Variants in TBX20 observed in about 807,000 individuals in gnomAD.
The protein encoded by TBX20 is T-box transcription factor 20, also known as T-box transcription factor TBX20.
TBX20 carries 8 observed loss-of-function variants against 42.9 expected under a neutral mutation model. The ratio of observed to expected loss-of-function variants is 0.19; its 90% CI spans 0.11 to 0.34. The LOEUF (loss-of-function observed/expected upper bound fraction) is 0.34, where lower values mean the gene tolerates loss of function less well. TBX20 is among the 10% of genes least tolerant of loss of function. The pLI is 1.00. For synonymous variants in TBX20, 198 were observed against 222.8 expected (o/e 0.89, Z 0.99); for missense variants, 411 against 566.0 (o/e 0.73, Z 2.78).
In TBX20 at chr7:35,253,719, C is replaced by T; in HGVS notation, c.-99G>A. The T allele has an allele frequency of 6.6e-7, 1 of 1,506,288 alleles. No individual in the cohort carries two copies. The highest frequency in any genetic ancestry group is 8.9e-7 in the Non-Finnish European group (1 of 1,121,504). 93.3% of individuals were successfully genotyped at this position (1,506,288 alleles called of 1,614,324 possible). On this transcript the variant is annotated 5_prime_UTR_variant, in exon 1 of 8. Transcript: ENST00000408931. ...GACCCGAAACACAGCTCAAAGTTTC[C>T]GAGAGCAGTCACAGCGGGGCCAGGG...
intron 5 of TBX20, among the ~76,000 whole-genome samples, chr7:35,237,531 G>A (rs1378807389): frequency 6.6e-6 from 1 of 152,192 alleles, no homozygotes; most frequent in East Asian, 1.9e-4. Context: ...CAAAAGGGGA[G>A]GGAAGAAACT....
At chr7:35,244,422 CA>C (rs71975357) in intron 4 of TBX20, among the ~76,000 whole-genome samples, 2,273 of 150,970 alleles carry the variant, frequency 0.015, 53 homozygotes, top group African/African-American at 0.052. Context: ...TGAAACTCTC[CA>C]AAAAAAAATG....
chr7:35,220,197 T>G (rs1789656566), intron 6 of TBX20, among the ~76,000 whole-genome samples: 1 of 152,226 alleles, frequency 6.6e-6, no homozygotes, highest in African/African-American at 2.4e-5. Context: ...ACAAGGCTTC[T>G]GTTGGAACTT....
intron 7 of TBX20, among the ~76,000 whole-genome samples, chr7:35,204,141 G>A (rs1272427340): frequency 6.6e-6 from 1 of 152,116 alleles, no homozygotes; most frequent in Non-Finnish European, 1.5e-5. Context: ...AGAAGGACTT[G>A]GTGACTGCCC....
At chr7:35,250,863 T>C (rs1014260575) in intron 1 of TBX20, among the ~76,000 whole-genome samples, 4 of 152,234 alleles carry the variant, frequency 2.6e-5, no homozygotes, top group African/African-American at 4.8e-5. Context: ...TGAGATCTTA[T>C]GAAAGATGCT....
chr7:35,242,449 C>T (rs1341576481), intron 4 of TBX20, among the ~76,000 whole-genome samples: 1 of 152,088 alleles, frequency 6.6e-6, no homozygotes, highest in African/African-American at 2.4e-5. Flanking sequence ...CAGCCAAATA[C>T]TTGAATAAAG....
chr7:35,250,730 G>C (rs774926133), intron 1 of TBX20, among the ~76,000 whole-genome samples: 15 of 152,292 alleles, frequency 9.8e-5, no homozygotes, highest in Non-Finnish European at 1.9e-4. Flanking sequence ...GAGGATAGGA[G>C]GGTAAAAGAA....
At chr7:35,215,677 CA>C (rs1240591515) in intron 6 of TBX20, among the ~76,000 whole-genome samples, 7 of 151,140 alleles carry the variant, frequency 4.6e-5, no homozygotes, top group East Asian at 3.9e-4. Context: ...TTTTTCTAGG[CA>C]AAAAAAAGGG....
At chr7:35,241,817 G>T (rs977784657) in intron 4 of TBX20, among the ~76,000 whole-genome samples, 1 of 152,110 alleles carries the variant, frequency 6.6e-6, no homozygotes, top group African/African-American at 2.4e-5. Context: ...CAGCCAATAG[G>T]TAGTATTTTT....
chr7:35,215,723 TCTGA>T (rs1789578003), intron 6 of TBX20, among the ~76,000 whole-genome samples: 1 of 152,170 alleles, frequency 6.6e-6, no homozygotes, highest in South Asian at 2.1e-4. Context: ...AAACATCTCC[TCTGA>T]CTACTTTGTA....
At position 35,246,928 on chromosome 7, in the gene TBX20, C is replaced by T. The variant is rs181499676; in HGVS notation, c.545+1749G>A. Among the ~76,000 whole-genome samples, 502 of 151,574 alleles carry T rather than the reference C, an allele frequency of 3.3e-3. 9 individuals carry two copies. Among genetic ancestry groups the T allele is most frequent in the Admixed American group, 0.026 (402 of 15,220 alleles). ...ATTAATGAAAAAATATACAGGAAGC[C>T]CCTCCTCTCAAGTCCCCCAGAGACT... On this transcript the variant is annotated intron_variant, in intron 3 of 7. Coordinates refer to ENST00000408931, the MANE Select transcript of TBX20 (RefSeq NM_001077653.2).
At position 35,249,352 on chromosome 7, in the gene TBX20, C is replaced by A. The variant is rs1452946677; in HGVS notation, c.381-511G>T. On this transcript the variant is annotated intron_variant, in intron 2 of 7. Transcript: ENST00000408931. The surrounding 1 kb of genome is among the most constrained non-coding windows in gnomAD (Gnocchi z 4.3). ...CAAGAGCTAGAGCCACCAAGTTTTG[C>A]CAGCCTCTGCCCCATCCCAACCTCC... 2.0e-5 allele frequency among the ~76,000 whole-genome samples: 3 copies of A among 152,196 alleles called. No individual in the cohort carries two copies. Among genetic ancestry groups the A allele is most frequent in the Non-Finnish European group, 4.4e-5 (3 of 68,024 alleles).
chr7:35,211,947 TTTGGATTGTG>T (rs1562557712), intron 6 of TBX20, among the ~76,000 whole-genome samples: 1 of 152,188 alleles, frequency 6.6e-6, no homozygotes, highest in Non-Finnish European at 1.5e-5. Flanking sequence ...GTTGGGCTTC[TTTGGATTGTG>T]TTTACAATTG....
intron 3 of TBX20, 100 bp downstream of exon 3, chr7:35,248,577 C>T (rs968227141): frequency 4.5e-6 from 6 of 1,344,396 alleles, no homozygotes; most frequent in Admixed American, 3.4e-5. Flanking sequence ...TGCCAGAGCC[C>T]GCTGCTTTAA....
intron 6 of TBX20, among the ~76,000 whole-genome samples, chr7:35,210,111 T>TTCC: frequency 1.4e-5 from 2 of 146,330 alleles, no homozygotes; most frequent in Middle Eastern, 7.1e-3. Flanking sequence ...TAGATAATAT[T>TTCC]TTCTTTTTTT....
chr7:35,213,649 C>T (rs2128710942), intron 6 of TBX20, among the ~76,000 whole-genome samples: 1 of 151,988 alleles, frequency 6.6e-6, no homozygotes, highest in Admixed American at 6.6e-5. Context: ...GTATGGTAAG[C>T]AGTGCAATAT....
At chr7:35,215,887 C>G (rs944360182) in intron 6 of TBX20, among the ~76,000 whole-genome samples, 3 of 152,178 alleles carry the variant, frequency 2.0e-5, no homozygotes, top group African/African-American at 7.2e-5. Flanking sequence ...AACCTCTAGA[C>G]AAGCAAAACC....
chr7:35,203,237 T>C (rs917390565), intron 7 of TBX20, among the ~76,000 whole-genome samples: 1 of 151,512 alleles, frequency 6.6e-6, no homozygotes, highest in African/African-American at 2.4e-5. Context: ...TAGAATAGAG[T>C]TGACAATGAA....
At chr7:35,212,124 T>G (rs1036561874) in intron 6 of TBX20, among the ~76,000 whole-genome samples, 4 of 152,210 alleles carry the variant, frequency 2.6e-5, no homozygotes, top group Non-Finnish European at 4.4e-5. Flanking sequence ...TTATCTTTGT[T>G]CCTCGTGTTT....
Sources: gnomAD v4.1 joint callset for allele counts (sites outside exome capture counted in the v4.1 genomes callset) on GRCh38, gnomAD v4.1.1 for gene constraint, Gnocchi (gnomAD v3.1) non-coding constraint, MANE v1.5 for transcripts, NCBI Gene and HGNC (gene_info 2026-07-23, HGNC 2026-07-21) for gene names.